The following FNBP1L variants were observed in gnomAD, a reference collection of about 807,000 sequenced individuals.
FNBP1L encodes the protein formin-binding protein 1-like.
A neutral mutation model predicts 91.2 loss-of-function variants in FNBP1L; 36 were observed. The observed-to-expected ratio is 0.39, with a 90% CI of 0.30 to 0.52. The LOEUF (loss-of-function observed/expected upper bound fraction) is 0.52, where lower values mean the gene tolerates loss of function less well. FNBP1L is among the 20% of genes least tolerant of loss of function. The pLI, the probability that FNBP1L is intolerant of heterozygous loss-of-function variation, is 0.66. For missense variants in FNBP1L, 571 were observed against 732.1 expected, an observed-to-expected ratio of 0.78 and a Z score of 2.54; for synonymous variants, 242 against 237.0, an observed-to-expected ratio of 1.02 and a Z score of -0.19.
rs1672461038 is a variant in FNBP1L at position 93,552,876 on chromosome 1, G to A, written c.*460G>A. ...TGCTTAACATCCTGTTGCATGTCTAGCGTGATTGAGCTAGATTTTTCAGGC... is the reference window on the plus strand; with the variant it reads ...TGCTTAACATCCTGTTGCATGTCTAACGTGATTGAGCTAGATTTTTCAGGC... On this transcript the variant is annotated 3_prime_UTR_variant, in exon 17 of 17. Coordinates refer to ENST00000271234, the MANE Select transcript of FNBP1L (RefSeq NM_001164473.3). 1 of 155,234 alleles carries A rather than the reference G, an allele frequency of 6.4e-6. No individual in the cohort carries two copies. Among genetic ancestry groups the A allele is most frequent in the African/African-American group, 2.4e-5 (1 of 41,548 alleles). The allele number at this position is 155,234 out of a possible 1,614,324, so 9.6% of individuals were successfully genotyped here.
chr1:93,523,283 C>T (rs1671391228), intron 3 of FNBP1L, 61 bp from the exon 4 acceptor site: 2 of 1,512,978 alleles, frequency 1.3e-6, no homozygotes, highest in South Asian at 2.6e-5. Flanking sequence ...CAGTCCATAC[C>T]TCACCAACAT....
chr1:93,482,541 A>T (rs537690020), intron 1 of FNBP1L, among the ~76,000 whole-genome samples: 1 of 152,324 alleles, frequency 6.6e-6, no homozygotes, highest in African/African-American at 2.4e-5. Flanking sequence ...TATTTTTAAA[A>T]GTCTGAAATT....
chr1:93,476,326 T>C (rs528138716), intron 1 of FNBP1L, among the ~76,000 whole-genome samples: 7 of 152,310 alleles, frequency 4.6e-5, no homozygotes, highest in Non-Finnish European at 1.0e-4. Flanking sequence ...TGAGCCTTAC[T>C]TTCCATGTTT....
At chr1:93,526,310 G>A (rs988435855) in intron 5 of FNBP1L, among the ~76,000 whole-genome samples, 3 of 152,238 alleles carry the variant, frequency 2.0e-5, no homozygotes, top group South Asian at 2.1e-4. Context: ...AGTAGCCCAC[G>A]GTTGTCACCA....
chr1:93,459,977 G>GTGTT (rs1553207644), intron 1 of FNBP1L, among the ~76,000 whole-genome samples: 1 of 128,268 alleles, frequency 7.8e-6, no homozygotes, highest in African/African-American at 2.6e-5. Context: ...GTGTGTGTGT[G>GTGTT]TTTTTGGGAT....
At chr1:93,480,805 G>T (rs199908627) in intron 1 of FNBP1L, among the ~76,000 whole-genome samples, 1 of 151,942 alleles carries the variant, frequency 6.6e-6, no homozygotes, top group African/African-American at 2.4e-5. Flanking sequence ...CTCGTGATCC[G>T]CCTGCCTCGG....
chr1:93,536,334 A>G lies in FNBP1L; in HGVS notation c.993A>G (p.Pro331=). 1 of 1,475,534 alleles carries G rather than the reference A, an allele frequency of 6.8e-7. No individual in the cohort carries two copies. The highest frequency in any genetic ancestry group is 9.0e-7 in the Non-Finnish European group (1 of 1,112,100). 91.4% of individuals were successfully genotyped at this position (1,475,534 alleles called of 1,614,324 possible). The part of the protein sequence containing the change: ...KLWLFGKKPK[P]QSPPLTPTSL... ...TCCTTTCTTTATTTCCATATTAGCC[A>G]CAGTCCCCACCCTTAACCCCTACTA... The change falls in exon 10 of 17, where the codon CCA becomes CCG. Residue 331 remains proline (P), a splice_region_variant and synonymous_variant. Coordinates refer to ENST00000271234, the MANE Select transcript of FNBP1L (RefSeq NM_001164473.3).
At chr1:93,515,691 C>T (rs1570831771) in intron 2 of FNBP1L, among the ~76,000 whole-genome samples, 1 of 146,778 alleles carries the variant, frequency 6.8e-6, no homozygotes, top group East Asian at 2.0e-4. Flanking sequence ...CGCATATTCT[C>T]CCTCATAGGT....
chr1:93,542,112 C>CAT (rs919183880), intron 11 of FNBP1L, among the ~76,000 whole-genome samples: 90 of 151,688 alleles, frequency 5.9e-4, no homozygotes, highest in African/African-American at 1.8e-3. Flanking sequence ...TTATTTTTGG[C>CAT]ATATATATAT....
In FNBP1L at chr1:93,536,278, G is replaced by T. The variant is rs112750797; in HGVS notation, c.991-54G>T. 3,227 of 1,258,098 alleles carry T rather than the reference G, an allele frequency of 2.6e-3. 7 individuals are homozygous for T. Among genetic ancestry groups the T allele is most frequent in the Non-Finnish European group, 3.0e-3 (2,965 of 974,114 alleles). The allele number at this position is 1,258,098 out of a possible 1,614,324, so 77.9% of individuals were successfully genotyped here. On this transcript the variant is annotated intron_variant, in intron 9 of 16. Transcript: ENST00000271234. ...TTGCCAAAAATAGAATTTTCATTTA[G>T]GAGAAAACTATGCACATTTGGCTTA...
chr1:93,535,435 G>C (rs576476882), intron 9 of FNBP1L, among the ~76,000 whole-genome samples: 2 of 152,212 alleles, frequency 1.3e-5, no homozygotes, highest in South Asian at 4.1e-4. Flanking sequence ...CCCACCTTCT[G>C]ATGTGCTCTT....
chr1:93,489,118 A>C, intron 1 of FNBP1L, among the ~76,000 whole-genome samples: 1 of 152,144 alleles, frequency 6.6e-6, no homozygotes, highest in African/African-American at 2.4e-5. Flanking sequence ...CTTTTTTCCA[A>C]CTTTCTTCAG....
intron 1 of FNBP1L, among the ~76,000 whole-genome samples, chr1:93,494,705 A>G (rs1244597353): frequency 6.6e-6 from 1 of 152,240 alleles, no homozygotes. Flanking sequence ...ATGTAGCTGT[A>G]TTAGTCTGTT....
chr1:93,512,889 A>T (rs1570825629), intron 2 of FNBP1L, among the ~76,000 whole-genome samples: 1 of 152,166 alleles, frequency 6.6e-6, no homozygotes, highest in Middle Eastern at 3.4e-3. Flanking sequence ...AAACACATTC[A>T]AAAGCTAGCA....
intron 16 of FNBP1L, chr1:93,551,709 G>A: frequency 1.0e-6 from 1 of 984,752 alleles, no homozygotes; most frequent in South Asian, 4.7e-5. Context: ...TATTTAAGTA[G>A]ATTTAAAGAG....
At chr1:93,528,545 G>T (rs1009599965) in intron 5 of FNBP1L, among the ~76,000 whole-genome samples, 60 of 152,276 alleles carry the variant, frequency 3.9e-4, no homozygotes, top group Middle Eastern at 3.4e-3. Flanking sequence ...CTTTTAGGAG[G>T]CTGCTGCTGA....
intron 5 of FNBP1L, among the ~76,000 whole-genome samples, chr1:93,528,217 A>G (rs1231866784): frequency 1.3e-5 from 2 of 152,158 alleles, no homozygotes; most frequent in Non-Finnish European, 2.9e-5. Context: ...TCCAGATGGA[A>G]AGGATATCCC....
At chr1:93,504,981 C>A (rs1670560133) in intron 2 of FNBP1L, among the ~76,000 whole-genome samples, 1 of 151,836 alleles carries the variant, frequency 6.6e-6, no homozygotes, top group Non-Finnish European at 1.5e-5. Flanking sequence ...TGTGTCATAT[C>A]CAAGAAATCA....
intron 1 of FNBP1L, among the ~76,000 whole-genome samples, chr1:93,469,978 A>T (rs1356015744): frequency 6.6e-6 from 1 of 152,156 alleles, no homozygotes; most frequent in East Asian, 1.9e-4. Context: ...AGAAAAAAAG[A>T]AAAGGAAAAA....
Sources: gnomAD v4.1 joint callset for allele counts (sites outside exome capture counted in the v4.1 genomes callset) on GRCh38, gnomAD v4.1.1 for gene constraint, MANE v1.5 for transcripts, NCBI Gene and HGNC (gene_info 2026-07-23, HGNC 2026-07-21) for gene names.